The following NCAPG2 variants were observed in gnomAD, a reference collection of about 807,000 sequenced individuals.
NCAPG2 encodes the protein condensin-2 complex subunit G2.
A neutral mutation model predicts 141.1 loss-of-function variants in NCAPG2; 53 were observed. That is an observed-to-expected ratio of 0.38 (90% CI 0.30 to 0.47). The LOEUF is 0.47. NCAPG2 is among the 20% of genes least tolerant of loss of function. NCAPG2 has a pLI of 0.99. For missense variants in NCAPG2, 1,087 were observed against 1,389.0 expected (o/e 0.78, Z 3.46); for synonymous variants, 499 against 490.7 (o/e 1.02, Z -0.22).
At position 158,631,429 on chromosome 7, in the gene NCAPG2, A is replaced by C. The variant is rs1829888287; in HGVS notation, c.*237T>G. 4.1e-6 allele frequency: 2 copies of C among 491,958 alleles called. No homozygotes were observed. 30.5% of individuals were successfully genotyped at this position (491,958 alleles called of 1,614,324 possible). The stretch of plus-strand genomic sequence containing the variant: ...TTTTCTTGGAATCATGGATTTCTAC[A>C]CCATTCATACCTGGAGTCCTTTATA... On this transcript the variant is annotated 3_prime_UTR_variant, in exon 28 of 28. Coordinates refer to ENST00000356309, the MANE Select transcript of NCAPG2 (RefSeq NM_017760.7).
chr7:158,681,253 T>A (rs560245551), intron 9 of NCAPG2, among the ~76,000 whole-genome samples: 15 of 152,216 alleles, frequency 9.9e-5, no homozygotes, highest in Middle Eastern at 3.2e-3. Flanking sequence ...GTTTCATAAC[T>A]TTGTAACAAG....
rs1834495215 is a variant in NCAPG2, at chr7:158,682,280, C to T, written c.924+1020G>A. Among the ~76,000 whole-genome samples the T allele has an allele frequency of 2.6e-5, 4 of 151,536 alleles. No homozygotes were observed. In the South Asian group the frequency reaches 8.3e-4, roughly 31 times the overall value. On this transcript the variant is annotated intron_variant, in intron 9 of 27. Coordinates refer to ENST00000356309, the MANE Select transcript of NCAPG2 (RefSeq NM_017760.7). ...TACTAAATAAAATTTGAAACACCAA[C>T]TCATCTATGTGAAATAAATAACCCA...
At chr7:158,674,453 C>T (rs1162099807) in intron 12 of NCAPG2, among the ~76,000 whole-genome samples, 1 of 151,820 alleles carries the variant, frequency 6.6e-6, no homozygotes, top group Non-Finnish European at 1.5e-5. Context: ...TGCCCAGCTA[C>T]TTTTTTTTGT....
intron 27 of NCAPG2, among the ~76,000 whole-genome samples, chr7:158,636,563 A>G (rs1587040388): frequency 6.6e-6 from 1 of 151,600 alleles, no homozygotes; most frequent in South Asian, 2.1e-4. Context: ...CACCATACCC[A>G]GCTAATTTTT....
chr7:158,702,003 G>T, intron 1 of NCAPG2, 65 bp from the exon 2 acceptor site: 1 of 1,025,306 alleles, frequency 9.8e-7, no homozygotes, highest in Non-Finnish European at 1.4e-6. Context: ...GATTTAATTT[G>T]ATATTAACAT....
intron 12 of NCAPG2, among the ~76,000 whole-genome samples, chr7:158,673,413 G>T (rs1300881036): frequency 1.3e-5 from 2 of 152,182 alleles, no homozygotes; most frequent in Admixed American, 6.5e-5. Flanking sequence ...GCATGCTTGG[G>T]GATGGCCTCC....
Position 158,654,614 on chromosome 7 carries a change from A to G in NCAPG2, c.2727T>C (p.Ser909=). The change falls in exon 22 of 28, where the codon AGT becomes AGC. Residue 909 remains serine, a synonymous_variant. Coordinates refer to ENST00000356309, the MANE Select transcript of NCAPG2 (RefSeq NM_017760.7). ...HQFQMQLLQR[S]LGIMQTVKGF... ...CTGTACCTGTTTGCATGATTCCAAG[A>G]CTCCGCTGTAAGAGTTGCATCTGAA... 2 of 1,613,752 alleles carry G rather than the reference A, an allele frequency of 1.2e-6. No homozygotes were observed. Among genetic ancestry groups the G allele is most frequent in the Non-Finnish European group, 1.7e-6 (2 of 1,179,898 alleles).
intron 8 of NCAPG2, 109 bp from the exon 9 acceptor site, chr7:158,683,495 T>C (rs537465977): frequency 6.5e-6 from 4 of 613,986 alleles, no homozygotes; most frequent in African/African-American, 5.7e-5. Flanking sequence ...CCATCTTATA[T>C]TTCATGAGAA....
intron 2 of NCAPG2, among the ~76,000 whole-genome samples, chr7:158,695,734 T>C (rs1400203515): frequency 6.6e-6 from 1 of 152,144 alleles, no homozygotes; most frequent in East Asian, 2.0e-4. Flanking sequence ...GGCCCAGGCC[T>C]CTAGGGCCAT....
chr7:158,637,003 A>G (rs1185460306), intron 27 of NCAPG2, among the ~76,000 whole-genome samples: 7 of 150,936 alleles, frequency 4.6e-5, no homozygotes. Context: ...GCTGGAATGC[A>G]GTGGTGTGAT....
At chr7:158,658,868 G>C (rs1832238414) in intron 16 of NCAPG2, among the ~76,000 whole-genome samples, 1 of 151,996 alleles carries the variant, frequency 6.6e-6, no homozygotes, top group Non-Finnish European at 1.5e-5. Flanking sequence ...ATATCTTTAG[G>C]AAGACAGTAT....
At chr7:158,684,115 C>T (rs777955370) in intron 8 of NCAPG2, among the ~76,000 whole-genome samples, 1 of 152,216 alleles carries the variant, frequency 6.6e-6, no homozygotes, top group Non-Finnish European at 1.5e-5. Context: ...TTCCTCTTCC[C>T]CATTATATTT....
intron 9 of NCAPG2, among the ~76,000 whole-genome samples, chr7:158,682,457 T>C (rs1407031938): frequency 6.6e-6 from 1 of 152,172 alleles, no homozygotes. Flanking sequence ...TCTGGGTTCT[T>C]TATCCTTGTG....
At chr7:158,678,548 A>G (rs1243668230) in intron 11 of NCAPG2, among the ~76,000 whole-genome samples, 2 of 152,258 alleles carry the variant, frequency 1.3e-5, no homozygotes, top group Non-Finnish European at 2.9e-5. Flanking sequence ...TCTATCGCCC[A>G]GGCTGGAGTG....
chr7:158,672,278 ATGTGTGTGTG>A (rs111749495), intron 12 of NCAPG2, among the ~76,000 whole-genome samples: 115 of 22,848 alleles, frequency 5.0e-3, no homozygotes, highest in African/African-American at 0.018. Flanking sequence ...TTCCAAACAC[ATGTGTGTGTG>A]TGTGTATATA....
At position 158,689,899 on chromosome 7, in the gene NCAPG2, A is replaced by T; in HGVS notation, c.592T>A (p.Tyr198Asn). Residue 198 changes from tyrosine to asparagine, a missense_variant, in exon 6 of 28, where the codon TAT becomes AAT. Physicochemically the swap from Tyr to Asn is moderately radical, Grantham distance 143. Coordinates refer to ENST00000356309, the MANE Select transcript of NCAPG2 (RefSeq NM_017760.7). The stretch of plus-strand genomic sequence containing the variant: ...ATTTCTCCACTTTCCTCCAAATCAT[A>T]ATCAAAGCAATATAAAGCTTGATGG... ...RIHQALYCFD[Y>N]DLEESGEIKD... 1 of 1,607,432 alleles carries T rather than the reference A, an allele frequency of 6.2e-7. No homozygotes were observed. Among genetic ancestry groups the T allele is most frequent in the East Asian group, 2.2e-5 (1 of 44,640 alleles).
intron 23 of NCAPG2, among the ~76,000 whole-genome samples, 168 bp from the exon 24 acceptor site, chr7:158,651,140 C>T (rs1207212768): frequency 1.3e-5 from 2 of 152,162 alleles, no homozygotes; most frequent in Non-Finnish European, 2.9e-5. Context: ...CCCAGGCTGA[C>T]TCAAACCTCC....
intron 4 of NCAPG2, among the ~76,000 whole-genome samples, 177 bp from the exon 5 acceptor site, chr7:158,690,899 T>C (rs1373390199): frequency 1.3e-5 from 2 of 152,214 alleles, no homozygotes; most frequent in African/African-American, 4.8e-5. Flanking sequence ...CAAATAATGT[T>C]AATTAAAAAA....
In NCAPG2 at chr7:158,675,507, G is replaced by C; in HGVS notation, c.1296C>G (p.Ser432Arg). Residue 432 changes from serine (S) to arginine (R), a missense_variant, in exon 12 of 28, where the codon AGC becomes AGG. Transcript: ENST00000356309. ...KVTGELAFDT[S>R]SADVRCSVFK... ...AGACAGAACAACGAACATCAGCTGA[G>C]CTCGTGTCAAATGCCAGTTCCCCAG... The C allele has an allele frequency of 6.2e-7, 1 of 1,611,094 alleles. No individual in the cohort carries two copies. The highest frequency in any genetic ancestry group is 8.5e-7 in the Non-Finnish European group (1 of 1,179,446).
Sources: allele counts gnomAD v4.1 joint callset (sites outside exome capture counted in the v4.1 genomes callset), GRCh38; gene constraint gnomAD v4.1.1; transcripts MANE v1.5; gene names NCBI Gene and HGNC (gene_info 2026-07-23, HGNC 2026-07-21).